ARMC8: variants seen among roughly 807,000 people sequenced by gnomAD.
ARMC8 encodes the protein armadillo repeat-containing protein 8.
ARMC8 carries 20 observed loss-of-function variants against 99.3 expected under a neutral mutation model. The observed-to-expected ratio is 0.20, with a 90% CI of 0.14 to 0.29. The LOEUF (loss-of-function observed/expected upper bound fraction) is 0.29, where lower values mean the gene tolerates loss of function less well. Among genes scored for constraint, ARMC8 ranks in the 10% least tolerant of loss-of-function variants. The pLI is 1.00. For synonymous variants in ARMC8, 263 were observed against 278.3 expected (o/e 0.95, Z 0.55); for missense variants, 569 against 809.5 (o/e 0.70, Z 3.60).
chr3:138,264,304 T>G, intron 14 of ARMC8, 92 bp downstream of exon 14: 1 of 965,358 alleles, frequency 1.0e-6, no homozygotes, highest in Non-Finnish European at 1.6e-6. Context: ...TAGGAGTATG[T>G]CTGATTTTTG....
intron 16 of ARMC8, among the ~76,000 whole-genome samples, chr3:138,270,674 TCA>T (rs1430828931): frequency 6.6e-6 from 1 of 152,190 alleles, no homozygotes; most frequent in East Asian, 1.9e-4. Flanking sequence ...GTGTATTACC[TCA>T]CATATTTAAC....
At position 138,284,456 on chromosome 3, in the gene ARMC8, C is replaced by T; in HGVS notation, c.1751C>T (p.Ala584Val). 1 of 1,613,472 alleles carries T rather than the reference C, an allele frequency of 6.2e-7. No homozygotes were observed. Among genetic ancestry groups the T allele is most frequent in the Non-Finnish European group, 8.5e-7 (1 of 1,179,518 alleles). ...EQTLCILANI[A>V]DGTTAKDLIM... The stretch of plus-strand genomic sequence containing the variant: ...ACACTGTGCATCTTAGCCAACATAG[C>T]GGATGGGACAACAGCAAAAGATCTT... The change falls in exon 19 of 22, where the codon GCG becomes GTG. Residue 584 changes from alanine to valine, a missense_variant. By Grantham distance (64) the Ala-to-Val change is moderately conservative. Transcript: ENST00000469044.
At chr3:138,235,315 A>T (rs2108144293) in intron 7 of ARMC8, among the ~76,000 whole-genome samples, 1 of 151,362 alleles carries the variant, frequency 6.6e-6, no homozygotes, top group African/African-American at 2.4e-5. Flanking sequence ...TTTTTAGGAT[A>T]CAGTTGTACC....
chr3:138,201,392 A>G (rs1267390071), intron 1 of ARMC8, among the ~76,000 whole-genome samples: 3 of 132,512 alleles, frequency 2.3e-5, no homozygotes, highest in Non-Finnish European at 3.1e-5. Flanking sequence ...GAGCTCTTGC[A>G]TATGTTGTGC....
intron 15 of ARMC8, among the ~76,000 whole-genome samples, chr3:138,269,646 A>T (rs1305816135): frequency 2.0e-5 from 3 of 152,154 alleles, no homozygotes; most frequent in Non-Finnish European, 4.4e-5. Flanking sequence ...AATGCACAAG[A>T]TGTACACATA....
At chr3:138,212,412 T>G (rs1349589938) in intron 2 of ARMC8, among the ~76,000 whole-genome samples, 1 of 150,184 alleles carries the variant, frequency 6.7e-6, no homozygotes, top group African/African-American at 2.5e-5. Context: ...CGGGTTCAAA[T>G]AATTCTCCTG....
intron 6 of ARMC8, among the ~76,000 whole-genome samples, chr3:138,231,506 T>C (rs1032190255): frequency 5.3e-5 from 8 of 152,182 alleles, no homozygotes; most frequent in Middle Eastern, 3.2e-3. Context: ...AATTTTCTGA[T>C]TTATTGAGCA....
At chr3:138,189,793 C>A (rs1449078036) in intron 1 of ARMC8, among the ~76,000 whole-genome samples, 2 of 152,236 alleles carry the variant, frequency 1.3e-5, no homozygotes, top group East Asian at 3.8e-4. Context: ...CCTTGACTTT[C>A]TTCTACATCT....
chr3:138,221,672 CTAGAAGAACTCAATT>C (rs1448254915), intron 2 of ARMC8, among the ~76,000 whole-genome samples: 1 of 152,086 alleles, frequency 6.6e-6, no homozygotes, highest in Non-Finnish European at 1.5e-5. Context: ...GGTACCCTTT[CTAGAAGAACTCAATT>C]CTGTACTGGA....
intron 2 of ARMC8, among the ~76,000 whole-genome samples, chr3:138,220,630 A>AGTAAATATGATTGGT (rs2045340471): frequency 6.6e-6 from 1 of 152,184 alleles, no homozygotes; most frequent in Non-Finnish European, 1.5e-5. Flanking sequence ...CTTTAATGCC[A>AGTAAATATGATTGGT]GTAAATATGA....
chr3:138,286,942 T>A (rs1209972945), intron 19 of ARMC8, among the ~76,000 whole-genome samples: 1 of 152,188 alleles, frequency 6.6e-6, no homozygotes, highest in Admixed American at 6.5e-5. Context: ...CTCTGTCCCC[T>A]CATTCACTCA....
chr3:138,287,042 G>T (rs1322533023), intron 19 of ARMC8, among the ~76,000 whole-genome samples: 2 of 152,152 alleles, frequency 1.3e-5, no homozygotes, highest in African/African-American at 4.8e-5. Context: ...ACCCTAGTCA[G>T]TCCAAGTCAC....
chr3:138,275,674 T>C (rs1229486449), intron 18 of ARMC8, among the ~76,000 whole-genome samples: 2 of 152,234 alleles, frequency 1.3e-5, no homozygotes, highest in Non-Finnish European at 2.9e-5. Context: ...GGGGCTGTGC[T>C]TCTCATCTTC....
intron 2 of ARMC8, among the ~76,000 whole-genome samples, chr3:138,215,114 G>T (rs2044937375): frequency 6.6e-6 from 1 of 152,114 alleles, no homozygotes; most frequent in African/African-American, 2.4e-5. Flanking sequence ...AATTGACATG[G>T]TCTTTACTTG....
chr3:138,281,212 G>A (rs1456578237), intron 18 of ARMC8, among the ~76,000 whole-genome samples: 1 of 151,656 alleles, frequency 6.6e-6, no homozygotes, highest in Non-Finnish European at 1.5e-5. Flanking sequence ...TACATTAATG[G>A]TGTGGGTGTG....
At chr3:138,244,107 C>T (rs2108187067) in intron 11 of ARMC8, among the ~76,000 whole-genome samples, 1 of 152,040 alleles carries the variant, frequency 6.6e-6, no homozygotes, top group Admixed American at 6.5e-5. Context: ...TTTAAAGATA[C>T]CATTAATTGC....
At chr3:138,216,068 A>G (rs1466816294) in intron 2 of ARMC8, among the ~76,000 whole-genome samples, 2 of 131,138 alleles carry the variant, frequency 1.5e-5, no homozygotes, top group Non-Finnish European at 3.3e-5. Context: ...TTTTTTTTTT[A>G]AGTAGAGATG....
At chr3:138,196,763 A>G (rs372487426) in intron 1 of ARMC8, among the ~76,000 whole-genome samples, 282 of 152,232 alleles carry the variant, frequency 1.9e-3, no homozygotes, top group African/African-American at 6.5e-3. Flanking sequence ...GCTACTTGGG[A>G]GGCTGAGGCA....
At chr3:138,229,507 G>A (rs2045928811) in intron 6 of ARMC8, among the ~76,000 whole-genome samples, 1 of 151,672 alleles carries the variant, frequency 6.6e-6, no homozygotes, top group Non-Finnish European at 1.5e-5. Flanking sequence ...TGGGGTCAAA[G>A]AATATATGTA....
Sources: gnomAD v4.1 joint callset for allele counts (sites outside exome capture counted in the v4.1 genomes callset) on GRCh38, gnomAD v4.1.1 for gene constraint, MANE v1.5 for transcripts, NCBI Gene and HGNC (gene_info 2026-07-23, HGNC 2026-07-21) for gene names.